Variants in CCSER2 observed in about 807,000 individuals in gnomAD.
The protein encoded by CCSER2 is serine-rich coiled-coil domain-containing protein 2.
CCSER2 carries 46 observed loss-of-function variants against 92.3 expected under a neutral mutation model. That is an observed-to-expected ratio of 0.50 (90% CI 0.39 to 0.64). CCSER2 has a LOEUF of 0.64. Among genes scored for constraint, CCSER2 ranks in the 30% least tolerant of loss-of-function variants. CCSER2 has a pLI of 0.00. For synonymous variants in CCSER2, 433 were observed against 431.4 expected (o/e 1.00, Z -0.04); for missense variants, 1,244 against 1,238.9 (o/e 1.00, Z -0.06).
chr10:84,395,062 A>G (rs1487090513), intron 3 of CCSER2, among the ~76,000 whole-genome samples: 1 of 151,966 alleles, frequency 6.6e-6, no homozygotes, highest in African/African-American at 2.4e-5. Context: ...CATCTGTACA[A>G]AACACTAAAA....
At chr10:84,341,557 C>G (rs1210496249) in intron 1 of CCSER2, among the ~76,000 whole-genome samples, 1 of 152,020 alleles carries the variant, frequency 6.6e-6, no homozygotes, top group Non-Finnish European at 1.5e-5. Context: ...ACACCATAGA[C>G]TCCAGTGAAG....
intron 1 of CCSER2, among the ~76,000 whole-genome samples, chr10:84,351,977 G>C (rs1015008882): frequency 6.6e-6 from 1 of 152,108 alleles, no homozygotes; most frequent in Non-Finnish European, 1.5e-5. Flanking sequence ...TGTGTGGGAT[G>C]GATCACTCAT....
chr10:84,427,326 A>C (rs905632649), intron 5 of CCSER2, among the ~76,000 whole-genome samples: 2 of 152,172 alleles, frequency 1.3e-5, no homozygotes, highest in Non-Finnish European at 2.9e-5. Flanking sequence ...AGACACCTAC[A>C]TCCACCTCAG....
chr10:84,479,406 A>C (rs2133750488), intron 9 of CCSER2, among the ~76,000 whole-genome samples: 1 of 152,350 alleles, frequency 6.6e-6, no homozygotes, highest in South Asian at 2.1e-4. Context: ...TGCTGCCAAC[A>C]GCAGCAGAGC....
chr10:84,471,831 A>C (rs1846820773), intron 8 of CCSER2, among the ~76,000 whole-genome samples: 1 of 152,108 alleles, frequency 6.6e-6, no homozygotes, highest in African/African-American at 2.4e-5. Context: ...TTTAATTTTA[A>C]AATTTTAAGT....
At chr10:84,329,220 C>T (rs1843424654) in intron 1 of CCSER2, among the ~76,000 whole-genome samples, 1 of 152,180 alleles carries the variant, frequency 6.6e-6, no homozygotes, top group South Asian at 2.1e-4. Context: ...GAAAGACACA[C>T]CCTAAAACAC....
chr10:84,387,483 A>G (rs913807224), intron 3 of CCSER2, among the ~76,000 whole-genome samples: 4 of 152,164 alleles, frequency 2.6e-5, no homozygotes, highest in South Asian at 4.2e-4. Context: ...ATTTCAGTTT[A>G]TAGTATACTA....
At chr10:84,477,478 C>T (rs1406257121) in intron 8 of CCSER2, 97 bp from the exon 9 acceptor site, 3 of 589,364 alleles carry the variant, frequency 5.1e-6, no homozygotes, top group Non-Finnish European at 5.9e-6. Context: ...TTGCTTGTCT[C>T]TTAGGTGTTT....
intron 7 of CCSER2, among the ~76,000 whole-genome samples, chr10:84,466,885 T>G (rs1006456868): frequency 4.6e-5 from 7 of 152,164 alleles, no homozygotes; most frequent in African/African-American, 1.7e-4. Context: ...GGGAAAAGTG[T>G]CCACTGTGCT....
chr10:84,329,337 T>G (rs931364495), intron 1 of CCSER2, among the ~76,000 whole-genome samples: 3 of 152,232 alleles, frequency 2.0e-5, no homozygotes, highest in Non-Finnish European at 4.4e-5. Flanking sequence ...GCACCTACTT[T>G]CTTGATAAAG....
chr10:84,329,426 A>G (rs1477180102), intron 1 of CCSER2, among the ~76,000 whole-genome samples: 1 of 152,184 alleles, frequency 6.6e-6, no homozygotes, highest in Non-Finnish European at 1.5e-5. Flanking sequence ...TTGCATATTC[A>G]TCTGTGTGGG....
At chr10:84,402,475 A>G (rs551162682) in intron 3 of CCSER2, among the ~76,000 whole-genome samples, 3 of 152,300 alleles carry the variant, frequency 2.0e-5, no homozygotes, top group South Asian at 4.1e-4. Context: ...ACCAAACACT[A>G]TTTGCCAAAT....
At chr10:84,333,555 A>G (rs141778369) in intron 1 of CCSER2, among the ~76,000 whole-genome samples, 54 of 152,330 alleles carry the variant, frequency 3.5e-4, no homozygotes, top group African/African-American at 1.1e-3. Flanking sequence ...TTTCTTAGAC[A>G]TTGGAAAGAT....
intron 6 of CCSER2, among the ~76,000 whole-genome samples, chr10:84,458,637 C>T (rs1483608653): frequency 1.3e-5 from 2 of 152,130 alleles, no homozygotes; most frequent in Admixed American, 6.5e-5. Context: ...GATATCTCAA[C>T]AATATTTAAT....
At chr10:84,436,075 A>G (rs997383793) in intron 5 of CCSER2, among the ~76,000 whole-genome samples, 3 of 152,086 alleles carry the variant, frequency 2.0e-5, no homozygotes, top group Non-Finnish European at 4.4e-5. Flanking sequence ...GACGCCTGTA[A>G]TCCCACCACT....
At position 84,399,321 on chromosome 10, in the gene CCSER2, A is replaced by C. The variant is rs566532899; in HGVS notation, c.1615-18450A>C. 2.0e-5 allele frequency among the ~76,000 whole-genome samples: 3 copies of C among 152,260 alleles called. No homozygotes were observed. In the South Asian group the frequency reaches 6.2e-4, roughly 32 times the overall value. On this transcript the variant is annotated intron_variant, in intron 3 of 9. Coordinates refer to ENST00000372088, the MANE Select transcript of CCSER2 (RefSeq NM_001284240.2). The stretch of plus-strand genomic sequence containing the variant: ...CTGTTTCTGAGTTATTTCACTTATA[A>C]TAATACCCTCTAGTTCCATGTTACT...
intron 9 of CCSER2, among the ~76,000 whole-genome samples, chr10:84,478,430 T>G (rs1465729058): frequency 6.6e-6 from 1 of 152,130 alleles, no homozygotes; most frequent in Non-Finnish European, 1.5e-5. Context: ...TATTTAGGAG[T>G]GGAATCCTAG....
intron 9 of CCSER2, among the ~76,000 whole-genome samples, chr10:84,500,469 C>A (rs1220428526): frequency 1.3e-5 from 2 of 152,010 alleles, no homozygotes; most frequent in Non-Finnish European, 2.9e-5. Context: ...ATTGTTTTTT[C>A]TAAAAGTGGT....
At chr10:84,482,501 G>A (rs1045713412) in intron 9 of CCSER2, among the ~76,000 whole-genome samples, 1 of 152,082 alleles carries the variant, frequency 6.6e-6, no homozygotes, top group Non-Finnish European at 1.5e-5. Flanking sequence ...CATTATCTTG[G>A]ACTGAATTTA....
Sources: gnomAD v4.1 joint callset for allele counts (sites outside exome capture counted in the v4.1 genomes callset) on GRCh38, gnomAD v4.1.1 for gene constraint, MANE v1.5 for transcripts, NCBI Gene and HGNC (gene_info 2026-07-23, HGNC 2026-07-21) for gene names.